The following LMBR1 variants were observed in gnomAD, a reference collection of about 807,000 sequenced individuals.
LMBR1 encodes limb region 1 protein homolog.
Under a neutral mutation model 73.9 loss-of-function variants are expected in LMBR1, and 52 were observed. The observed-to-expected ratio is 0.70, with a 90% confidence interval of 0.56 to 0.89. The LOEUF (loss-of-function observed/expected upper bound fraction) is 0.89. Among genes scored for constraint, LMBR1 ranks in the 40% least tolerant of loss-of-function variants. The probability of loss-of-function intolerance (pLI) is 0.00; values close to 1 mark genes in which losing one functional copy is unlikely to be tolerated. For synonymous variants in LMBR1, 215 were observed against 209.4 expected (o/e 1.03, Z -0.23); for missense variants, 539 against 579.8 (o/e 0.93, Z 0.72).
rs1017662626 is a variant in LMBR1, at chr7:156,687,012, G to A, written c.1387+1018C>T. Among the ~76,000 whole-genome samples, 10 of 152,244 alleles carry A rather than the reference G, an allele frequency of 6.6e-5. No homozygotes were observed. The East Asian group carries it at 1.7e-3, about 26-fold the overall frequency. On this transcript the variant is annotated intron_variant, in intron 16 of 16. Transcript: ENST00000353442. ...ATTTGATGAGCCATCCCCTCCCAGG[G>A]CATATTCAAAGTAAAATACATATGG...
chr7:156,767,134 G>C (rs77037350), intron 5 of LMBR1, among the ~76,000 whole-genome samples: 3,823 of 152,138 alleles, frequency 0.025, 161 homozygotes, highest in African/African-American at 0.087. Context: ...GGGTAAAGTG[G>C]GGGTCTCCCT....
In LMBR1 at chr7:156,866,752, C is replaced by T. The variant is rs566862954; in HGVS notation, c.66+26176G>A. Among the ~76,000 whole-genome samples, 12 of 151,858 alleles carry T rather than the reference C, an allele frequency of 7.9e-5. No individual in the cohort carries two copies. In the South Asian group the frequency reaches 2.5e-3, roughly 32 times the overall value. ...CTGAGTAGCTGAGATTATGGGCGCC[C>T]GCCACTGCACCCAGCTAAATTTTGT... is the stretch of plus-strand genomic sequence containing the variant. On this transcript the variant is annotated intron_variant, in intron 1 of 16. Transcript: ENST00000353442.
chr7:156,892,866 G>T, intron 1 of LMBR1, 62 bp downstream of exon 1: 1 of 1,289,768 alleles, frequency 7.8e-7, no homozygotes, highest in Non-Finnish European at 1.0e-6. Context: ...GGGCCCGGGG[G>T]CGGGGACGGA....
chr7:156,886,734 A>T (rs1157808117), intron 1 of LMBR1, among the ~76,000 whole-genome samples: 1 of 152,236 alleles, frequency 6.6e-6, no homozygotes, highest in African/African-American at 2.4e-5. Flanking sequence ...TGAGGCAGTT[A>T]GAACCAGTTT....
chr7:156,684,140 T>C lies in LMBR1; in HGVS notation c.1411A>G (p.Asn471Asp), dbSNP rs759960113. The change falls in exon 17 of 17, where the codon AAT (asparagine) becomes GAT (aspartate). Residue 471 changes from asparagine to aspartate, a missense_variant. Asn to Asp is a conservative substitution (Grantham distance 23). Around this residue, in one of 3 missense-constraint regions of LMBR1, gnomAD observed 69 missense variants for 68.5 expected, o/e 1.01. Coordinates refer to ENST00000353442, the MANE Select transcript of LMBR1 (RefSeq NM_022458.4). ...GCTGTTTCTGAATCCCTTGAAGTAT[T>C]TGGTAAGTGAAGTTTATGAAGCCCT... is the stretch of plus-strand genomic sequence containing the variant. Reference protein sequence around the residue: ...ALGLHKLHLPNTSRDSETAKP... With the variant: ...ALGLHKLHLPDTSRDSETAKP... 1.4e-5 allele frequency: 22 copies of C among 1,614,004 alleles called. 1 individual carries two copies. Among genetic ancestry groups the C allele is most frequent in the Middle Eastern group, 3.3e-4 (2 of 6,062 alleles).
intron 10 of LMBR1, 145 bp from the exon 11 acceptor site, chr7:156,728,865 A>G: frequency 7.9e-6 from 5 of 629,480 alleles, no homozygotes; most frequent in Non-Finnish European, 1.3e-5. Context: ...AAAAAACTAC[A>G]GATAGGGCCT....
chr7:156,867,629 T>C (rs1411806744), intron 1 of LMBR1, among the ~76,000 whole-genome samples: 1 of 152,214 alleles, frequency 6.6e-6, no homozygotes, highest in Non-Finnish European at 1.5e-5. Flanking sequence ...TTTGAAAATA[T>C]CATGCTTAAA....
chr7:156,764,352 T>A (rs1389911928), intron 5 of LMBR1, among the ~76,000 whole-genome samples: 1 of 152,202 alleles, frequency 6.6e-6, no homozygotes, highest in Non-Finnish European at 1.5e-5. Flanking sequence ...TTTCTTCACA[T>A]TATATAGAAT....
chr7:156,702,411 C>T lies in LMBR1; in HGVS notation c.1226-14220G>A, dbSNP rs560506632. ...CTTTTTTTCATATGTTTCTGGACCA[C>T]ATAAATGTCTTCTTTTGAGAACTGT... On this transcript the variant is annotated intron_variant, in intron 15 of 16. Coordinates refer to ENST00000353442, the MANE Select transcript of LMBR1 (RefSeq NM_022458.4). Among the ~76,000 whole-genome samples the T allele has an allele frequency of 2.6e-4, 39 of 152,324 alleles. No homozygotes were observed. The South Asian group carries it at 8.1e-3, about 32-fold the overall frequency.
intron 4 of LMBR1, among the ~76,000 whole-genome samples, chr7:156,822,090 A>C (rs1834887853): frequency 6.6e-6 from 1 of 152,228 alleles, no homozygotes; most frequent in Non-Finnish European, 1.5e-5. Context: ...GCTTACGAAA[A>C]CCTTCATAAA....
chr7:156,892,296 G>A (rs1189880128), intron 1 of LMBR1, among the ~76,000 whole-genome samples: 1 of 152,246 alleles, frequency 6.6e-6, no homozygotes, highest in Non-Finnish European at 1.5e-5. Flanking sequence ...GGCTGGGGGA[G>A]ATGAAAGAGG....
intron 6 of LMBR1, 146 bp from the exon 7 acceptor site, chr7:156,763,322 C>T (rs900151289): frequency 2.1e-6 from 1 of 466,380 alleles, no homozygotes; most frequent in Non-Finnish European, 3.7e-6. Flanking sequence ...CATATAATTT[C>T]TAAATTGTAC....
intron 5 of LMBR1, among the ~76,000 whole-genome samples, chr7:156,766,394 A>T (rs73166133): frequency 0.081 from 12,333 of 152,142 alleles, 681 homozygotes; most frequent in African/African-American, 0.16. Context: ...TTCAAGGGCA[A>T]CTGGCACCAA....
intron 8 of LMBR1, among the ~76,000 whole-genome samples, chr7:156,757,340 C>A (rs534255066): frequency 6.6e-6 from 1 of 152,288 alleles, no homozygotes; most frequent in South Asian, 2.1e-4. Flanking sequence ...GTACTAAAAA[C>A]ACTCCATGAA....
chr7:156,701,474 T>G (rs1332460819), intron 15 of LMBR1, among the ~76,000 whole-genome samples: 1 of 152,166 alleles, frequency 6.6e-6, no homozygotes, highest in Admixed American at 6.5e-5. Flanking sequence ...TATATAAAAT[T>G]CTAGGAAGTG....
intron 1 of LMBR1, among the ~76,000 whole-genome samples, chr7:156,842,024 C>A (rs972158783): frequency 7.0e-6 from 1 of 142,008 alleles, no homozygotes; most frequent in Admixed American, 7.1e-5. Flanking sequence ...AGGAGGAGAA[C>A]AAGGAGGAGA....
At chr7:156,836,455 A>G (rs936512543) in intron 2 of LMBR1, among the ~76,000 whole-genome samples, 8 of 152,244 alleles carry the variant, frequency 5.3e-5, no homozygotes, top group Admixed American at 4.6e-4. Context: ...TATATGCTCT[A>G]GTAGCCAGAA....
At chr7:156,744,892 T>G (rs547003144) in intron 9 of LMBR1, among the ~76,000 whole-genome samples, 5 of 152,318 alleles carry the variant, frequency 3.3e-5, no homozygotes, top group African/African-American at 9.6e-5. Flanking sequence ...CCTGCATTCT[T>G]TGGCTCATGG....
In LMBR1 at chr7:156,870,755, A is replaced by AC. The variant is rs1165576195; in HGVS notation, c.66+22172dup. On this transcript the variant is annotated intron_variant, in intron 1 of 16. Transcript: ENST00000353442. ...CTGGGCGACAGAGCGAGACTCTGTC[A>AC]CAAAAAAAAAAAAAAATCTCAAGAC... 2.0e-5 allele frequency among the ~76,000 whole-genome samples: 3 copies of AC among 146,626 alleles called. No individual in the cohort carries two copies. The East Asian group carries it at 5.9e-4, about 29-fold the overall frequency.
Sources: allele counts gnomAD v4.1 joint callset (sites outside exome capture counted in the v4.1 genomes callset), GRCh38; gene constraint gnomAD v4.1.1; regional missense constraint gnomAD v4.1.1; transcripts MANE v1.5; gene names NCBI Gene and HGNC (gene_info 2026-07-23, HGNC 2026-07-21).